AFF1: variants seen among roughly 807,000 people sequenced by gnomAD.
AFF1 encodes the protein AF4/FMR2 family member 1.
Under a neutral mutation model 121.7 loss-of-function variants are expected in AFF1, and 48 were observed. That is an observed-to-expected ratio of 0.39 (90% confidence interval 0.31 to 0.50). The LOEUF (loss-of-function observed/expected upper bound fraction) is 0.50, where lower values mean the gene tolerates loss of function less well. Among genes scored for constraint, AFF1 ranks in the 20% least tolerant of loss-of-function variants. The probability of loss-of-function intolerance (pLI) is 0.76; values close to 1 mark genes in which losing one functional copy is unlikely to be tolerated. For synonymous variants in AFF1, 613 were observed against 563.0 expected (o/e 1.09, Z -1.26); for missense variants, 1,523 against 1,511.7 (o/e 1.01, Z -0.12).
intron 8 of AFF1, among the ~76,000 whole-genome samples, chr4:87,100,619 C>G (rs1049308722): frequency 6.6e-6 from 1 of 152,066 alleles, no homozygotes; most frequent in Non-Finnish European, 1.5e-5. Flanking sequence ...TCTAGACTAG[C>G]GGGGATATTT....
chr4:87,016,005 AC>A (rs1200120094), intron 2 of AFF1, among the ~76,000 whole-genome samples: 10 of 152,158 alleles, frequency 6.6e-5, no homozygotes, highest in Non-Finnish European at 1.3e-4. Flanking sequence ...ACATGGTGAA[AC>A]CTCGTCTCTA....
At chr4:86,985,304 A>C (rs1474914964) in intron 2 of AFF1, among the ~76,000 whole-genome samples, 1 of 149,446 alleles carries the variant, frequency 6.7e-6, no homozygotes, top group Non-Finnish European at 1.5e-5. Flanking sequence ...TGAGGTCAGG[A>C]GTTTGAGACC....
At chr4:87,129,778 A>G (rs898395971) in intron 16 of AFF1, among the ~76,000 whole-genome samples, 1 of 152,160 alleles carries the variant, frequency 6.6e-6, no homozygotes, top group Non-Finnish European at 1.5e-5. Flanking sequence ...TCATTCTGCT[A>G]CTGGTAAAAC....
chr4:87,052,829 C>T (rs1353575724), intron 4 of AFF1, among the ~76,000 whole-genome samples: 1 of 151,466 alleles, frequency 6.6e-6, no homozygotes, highest in East Asian at 1.9e-4. Flanking sequence ...TGATAGGGCT[C>T]TGTGATTGAC....
rs532640055 is a variant in AFF1 at position 87,008,436 on chromosome 4, A to G, written c.39-37730A>G. 2.0e-5 allele frequency among the ~76,000 whole-genome samples: 3 copies of G among 152,344 alleles called. No individual in the cohort carries two copies. In the South Asian group the frequency reaches 6.2e-4, roughly 32 times the overall value. On this transcript the variant is annotated intron_variant, in intron 2 of 20. Transcript: ENST00000395146. ...TCTAGGAAGGAAAGAGCTTCTCTGT[A>G]TAAAGTACCTCCTATGTGCTACCTG...
At chr4:86,991,013 G>A (rs28495007) in intron 2 of AFF1, among the ~76,000 whole-genome samples, 65,562 of 151,928 alleles carry the variant, frequency 0.43, 16,689 homozygotes, top group South Asian at 0.65. Context: ...TTAGCTGGGC[G>A]TGGTGGCGGG....
intron 1 of AFF1, among the ~76,000 whole-genome samples, chr4:86,937,788 TGGGGGTG>T (rs1282106696): frequency 0.15 from 582 of 3,786 alleles, 1 homozygote; most frequent in Admixed American, 0.2. Flanking sequence ...GGGGTGGGGG[TGGGGGTG>T]GGGGGCTCCC....
At chr4:86,972,896 C>T (rs186528394) in intron 2 of AFF1, among the ~76,000 whole-genome samples, 16 of 152,260 alleles carry the variant, frequency 1.1e-4, no homozygotes, top group African/African-American at 3.9e-4. Context: ...AATGTGGCTA[C>T]TTGCAAATTT....
At chr4:87,086,297 A>G (rs184928588) in intron 5 of AFF1, among the ~76,000 whole-genome samples, 58 of 152,286 alleles carry the variant, frequency 3.8e-4, no homozygotes, top group African/African-American at 1.2e-3. Flanking sequence ...TCTTCTGCAT[A>G]TGTCAGATGC....
chr4:87,067,587 C>CT (rs1169017780), intron 4 of AFF1, among the ~76,000 whole-genome samples: 1 of 152,166 alleles, frequency 6.6e-6, no homozygotes, highest in Non-Finnish European at 1.5e-5. Flanking sequence ...GCTAAATGCA[C>CT]AGAGTCAGGG....
chr4:87,098,272 T>C (rs1456857117), intron 8 of AFF1, among the ~76,000 whole-genome samples: 1 of 152,194 alleles, frequency 6.6e-6, no homozygotes, highest in African/African-American at 2.4e-5. Flanking sequence ...GTTTGAGATG[T>C]AGTTATTTCT....
At chr4:86,970,500 A>T (rs534083054) in intron 2 of AFF1, among the ~76,000 whole-genome samples, 5 of 152,318 alleles carry the variant, frequency 3.3e-5, no homozygotes, top group Non-Finnish European at 7.4e-5. Context: ...CGCTTGTTGC[A>T]TTCTAGGTAT....
chr4:87,030,077 A>G (rs1455851031), intron 2 of AFF1, among the ~76,000 whole-genome samples: 1 of 152,130 alleles, frequency 6.6e-6, no homozygotes, highest in Non-Finnish European at 1.5e-5. Context: ...AAGACTGTAT[A>G]TTTTACAAGA....
intron 6 of AFF1, among the ~76,000 whole-genome samples, chr4:87,090,832 G>A (rs756321073): frequency 6.6e-5 from 10 of 151,510 alleles, no homozygotes; most frequent in Admixed American, 1.3e-4. Context: ...TGGGCAATGT[G>A]GCAAAACTTT....
At chr4:87,068,690 G>T (rs1287422383) in intron 4 of AFF1, among the ~76,000 whole-genome samples, 1 of 152,198 alleles carries the variant, frequency 6.6e-6, no homozygotes, top group Non-Finnish European at 1.5e-5. Flanking sequence ...CTAAGCAACG[G>T]TGTACTTGAG....
At chr4:87,048,984 A>G (rs553175106) in intron 4 of AFF1, among the ~76,000 whole-genome samples, 3 of 150,876 alleles carry the variant, frequency 2.0e-5, no homozygotes, top group African/African-American at 7.3e-5. Flanking sequence ...TCCTCAAAAC[A>G]GTCACTCCCC....
At chr4:87,126,681 T>A (rs541706933) in intron 14 of AFF1, among the ~76,000 whole-genome samples, 3 of 152,248 alleles carry the variant, frequency 2.0e-5, no homozygotes, top group African/African-American at 7.2e-5. Flanking sequence ...TTGGTTATAG[T>A]GGGGAAAAAA....
chr4:87,131,967 A>G, intron 18 of AFF1, 103 bp downstream of exon 18: 1 of 1,079,420 alleles, frequency 9.3e-7, no homozygotes, highest in Non-Finnish European at 1.3e-6. Flanking sequence ...AAATTATGAA[A>G]AGCAAGTCAG....
chr4:86,950,055 T>A (rs1287568606), intron 2 of AFF1: 7 of 1,613,992 alleles, frequency 4.3e-6, no homozygotes, highest in Non-Finnish European at 5.9e-6. Flanking sequence ...AGAGGGTGAT[T>A]GATGTAATAG....
Sources: allele counts gnomAD v4.1 joint callset (sites outside exome capture counted in the v4.1 genomes callset), GRCh38; gene constraint gnomAD v4.1.1; transcripts MANE v1.5; gene names NCBI Gene and HGNC (gene_info 2026-07-23, HGNC 2026-07-21).